Variants in PPFIA3 observed in about 807,000 individuals in gnomAD.
PPFIA3 encodes PPFI scaffold protein A3, also known as liprin-alpha-3.
In PPFIA3, 26 loss-of-function variants were observed where a neutral mutation model predicts 145.8. The ratio of observed to expected loss-of-function variants is 0.18; its 90% CI spans 0.13 to 0.25. The LOEUF is 0.25. Among genes scored for constraint, PPFIA3 ranks in the 10% least tolerant of loss-of-function variants. The pLI, the probability that PPFIA3 is intolerant of heterozygous loss-of-function variation, is 1.00. For synonymous variants in PPFIA3, 645 were observed against 661.4 expected (o/e 0.98, Z 0.38); for missense variants, 1,008 against 1,587.8 (o/e 0.63, Z 6.21).
chr19:49,137,631 A>C (rs1485940953), intron 15 of PPFIA3, among the ~76,000 whole-genome samples: 565 of 38,416 alleles, frequency 0.015, 5 homozygotes, highest in African/African-American at 0.093. Flanking sequence ...TCCGTGTCAA[A>C]AAAAAAAAAA....
Position 49,149,308 on chromosome 19 carries a change from G to A in PPFIA3, c.3337G>A (p.Asp1113Asn). 6.2e-7 allele frequency: 1 copy of A among 1,614,144 alleles called. No individual in the cohort carries two copies. Among genetic ancestry groups the A allele is most frequent in the South Asian group, 1.1e-5 (1 of 91,078 alleles). Reference protein sequence around the residue: ...EFSNLISLGTDRRLDEDSAKS... With the variant: ...EFSNLISLGTNRRLDEDSAKS... ...CAGCAACCTTATCTCCTTAGGCACA[G>A]ACAGGCGGCTGGACGAGGTGGGCGC... Residue 1113 changes from aspartate (D) to asparagine (N), a missense_variant, in exon 27 of 30, where the codon GAC becomes AAC. Physicochemically the swap from Asp to Asn is conservative, Grantham distance 23. This residue lies in a region of PPFIA3 where 125 missense variants were observed against 159.3 expected (regional missense o/e 0.78). Coordinates refer to ENST00000334186, the MANE Select transcript of PPFIA3 (RefSeq NM_003660.4). The surrounding 1 kb of genome is among the most constrained non-coding windows in gnomAD (Gnocchi z 5.7).
At chr19:49,127,606 T>A (rs7246712) in intron 1 of PPFIA3, among the ~76,000 whole-genome samples, 92,792 of 148,160 alleles carry the variant, frequency 0.63, 30,094 homozygotes, top group African/African-American at 0.8. Context: ...TAAAAAAAAA[T>A]AATAATAATA....
rs1389668431 is a variant in PPFIA3, at chr19:49,149,322, C to T, written c.3351C>T (p.Asp1117=). The T allele has an allele frequency of 6.2e-7, 1 of 1,613,966 alleles. No individual in the cohort carries two copies. The highest frequency in any genetic ancestry group is 8.5e-7 in the Non-Finnish European group (1 of 1,180,016). Reference sequence around the variant, plus strand: ...CCTTAGGCACAGACAGGCGGCTGGACGAGGTGGGCGCGGCAACAGCTCAGA... The same window carrying T: ...CCTTAGGCACAGACAGGCGGCTGGATGAGGTGGGCGCGGCAACAGCTCAGA... ...LISLGTDRRL[D]EDSAKSFSRS... Residue 1117 remains aspartate (D), a synonymous_variant, in exon 27 of 30, where the codon GAC becomes GAT. Coordinates refer to ENST00000334186, the MANE Select transcript of PPFIA3 (RefSeq NM_003660.4). This position sits in a 1 kb window ranked among gnomAD's most constrained non-coding sequence, Gnocchi z 5.7.
At chr19:49,129,958 G>T (rs570094971) in intron 5 of PPFIA3, 35 bp from the exon 6 acceptor site, 2 of 1,602,794 alleles carry the variant, frequency 1.2e-6, no homozygotes, top group East Asian at 2.2e-5. Context: ...GGTTCAGGGA[G>T]CCCCTGTGCT....
At chr19:49,150,050 A>G in intron 28 of PPFIA3, 30 bp from the exon 29 acceptor site, 1 of 1,595,948 alleles carries the variant, frequency 6.3e-7, no homozygotes, top group Non-Finnish European at 8.5e-7. Flanking sequence ...AGGGTGCTCC[A>G]GGCTGAACCG....
In PPFIA3 at chr19:49,128,438, A is replaced by T. The variant is rs757974799; in HGVS notation, c.312A>T (p.Ala104=). ...TGCTGGAGAGGGAGGAAGAGATTGC[A>T]GAGCTGAAGGCGGAACGGAACAACA... is the stretch of plus-strand genomic sequence containing the variant. ...EQLLEREEEI[A]ELKAERNNTR... is the part of the protein sequence containing the mutation. Residue 104 remains alanine, a synonymous_variant, in exon 3 of 30, where the codon GCA becomes GCT. Transcript: ENST00000334186. This position sits in a 1 kb window ranked among gnomAD's most constrained non-coding sequence, Gnocchi z 4.1. 2.5e-6 allele frequency: 4 copies of T among 1,574,326 alleles called. No homozygotes were observed.
chr19:49,129,930 GT>G, intron 5 of PPFIA3, 62 bp from the exon 6 acceptor site: 1 of 1,565,512 alleles, frequency 6.4e-7, no homozygotes, highest in Non-Finnish European at 8.8e-7. Flanking sequence ...GCCAATGCCA[GT>G]GAGAACTAGA....
chr19:49,120,622 C>CTTAG lies in PPFIA3; in HGVS notation c.-16+901_-16+904dup, dbSNP rs1274180757. Among the ~76,000 whole-genome samples, 2 of 152,184 alleles carry CTTAG rather than the reference C, an allele frequency of 1.3e-5. No homozygotes were observed. The highest frequency in any genetic ancestry group is 2.1e-4 in the South Asian group (1 of 4,832). Reference sequence around the variant, plus strand: ...CCGCTGTGCCCTGCAGACACACAGACTTAGCCTCCTGGCACCCAGCATCTG... The same window carrying CTTAG: ...CCGCTGTGCCCTGCAGACACACAGACTTAGTTAGCCTCCTGGCACCCAGCATCTG... On this transcript the variant is annotated intron_variant, in intron 1 of 29. Transcript: ENST00000334186. The surrounding 1 kb of genome is among the most constrained non-coding windows in gnomAD (Gnocchi z 4.6).
Position 49,149,834 on chromosome 19 carries a change from T to G in PPFIA3, c.3526+116T>G. On this transcript the variant is annotated intron_variant, in intron 28 of 29. Transcript: ENST00000334186. This position sits in a 1 kb window ranked among gnomAD's most constrained non-coding sequence, Gnocchi z 5.7. Reference sequence around the variant, plus strand: ...TCCTTTCTCGCCCACCCCTGAGGAATGGACTGCTCCAACGTTCCGGACTCC... The same window carrying G: ...TCCTTTCTCGCCCACCCCTGAGGAAGGGACTGCTCCAACGTTCCGGACTCC... 1 of 1,318,784 alleles carries G rather than the reference T, an allele frequency of 7.6e-7. No individual in the cohort carries two copies. Among genetic ancestry groups the G allele is most frequent in the East Asian group, 2.4e-5 (1 of 40,864 alleles). 81.7% of individuals were successfully genotyped at this position (1,318,784 alleles called of 1,614,324 possible). A position where few individuals can be genotyped will look rare whatever the true frequency, so the allele number is the denominator to read the frequency against.
At chr19:49,141,345 C>T (rs2041219035) in intron 18 of PPFIA3, 75 bp from the exon 19 acceptor site, 7 of 1,177,596 alleles carry the variant, frequency 5.9e-6, no homozygotes, top group Non-Finnish European at 8.8e-6. Flanking sequence ...CCGGCATTTT[C>T]CTCATCACCT....
At chr19:49,144,669 G>A (rs564252935) in intron 21 of PPFIA3, among the ~76,000 whole-genome samples, 212 of 151,974 alleles carry the variant, frequency 1.4e-3, no homozygotes, top group Non-Finnish European at 2.2e-3. Flanking sequence ...AGCTGTGATT[G>A]TCCCACTGTA....
intron 15 of PPFIA3, 141 bp downstream of exon 15, chr19:49,137,052 G>A (rs750492774): frequency 5.0e-5 from 38 of 757,730 alleles, no homozygotes; most frequent in Admixed American, 1.6e-4. Context: ...CACTCACTCC[G>A]CTGTCCAGGC....
rs907960189 is a variant in PPFIA3, at chr19:49,133,798, C to T, written c.1164C>T (p.Ala388=). Residue 388 remains alanine, a splice_region_variant and synonymous_variant, in exon 10 of 30, where the codon GCC becomes GCT. Transcript: ENST00000334186. This position sits in a 1 kb window ranked among gnomAD's most constrained non-coding sequence, Gnocchi z 7.2. ...LAQRVAALNK[A]EERHGNFEER... ...ACGCCATGGGTTCCATCTCCTAGGC[C>T]GAGGAACGTCATGGGAATTTTGAGG... 2.5e-6 allele frequency: 4 copies of T among 1,613,166 alleles called. No individual in the cohort carries two copies. The highest frequency in any genetic ancestry group is 3.4e-6 in the Non-Finnish European group (4 of 1,179,932).
intron 19 of PPFIA3, 22 bp downstream of exon 19, chr19:49,141,535 CGTGTGTGTGTGTATGTGAATGTGAGA>C (rs1568439935): frequency 6.3e-7 from 1 of 1,576,088 alleles, no homozygotes; most frequent in Non-Finnish European, 8.7e-7. Flanking sequence ...TGAGTGTGAG[CGTGTGTGTGTGTATGTGAATGTGAGA>C]GTGTGTGAGG....
chr19:49,142,935 C>T lies in PPFIA3; in HGVS notation c.2676C>T (p.Leu892=). The T allele has an allele frequency of 6.2e-7, 1 of 1,613,666 alleles. No homozygotes were observed. Among genetic ancestry groups the T allele is most frequent in the Non-Finnish European group, 8.5e-7 (1 of 1,180,020 alleles). Residue 892 remains leucine (L), a synonymous_variant, in exon 21 of 30, where the codon CTC becomes CTT. Coordinates refer to ENST00000334186, the MANE Select transcript of PPFIA3 (RefSeq NM_003660.4). ...EIGISNPLHR[L]KLRLAIQEMV... is the part of the protein sequence containing the mutation. ...GCATCAGCAACCCGCTGCACCGACTCAAGCTACGCCTCGCCATCCAGGAGA... is the reference window on the plus strand; with the variant it reads ...GCATCAGCAACCCGCTGCACCGACTTAAGCTACGCCTCGCCATCCAGGAGA...
chr19:49,144,502 C>G (rs1457272458), intron 21 of PPFIA3, among the ~76,000 whole-genome samples: 5 of 151,842 alleles, frequency 3.3e-5, no homozygotes, highest in Admixed American at 3.3e-4. Flanking sequence ...TCTCTTGAAC[C>G]CGGGAGTTCG....
intron 1 of PPFIA3, among the ~76,000 whole-genome samples, chr19:49,122,515 T>C (rs2040948059): frequency 6.6e-6 from 1 of 152,188 alleles, no homozygotes; most frequent in Admixed American, 6.6e-5. Context: ...GTGTTCCAGG[T>C]TTCAGCCACG....
intron 1 of PPFIA3, among the ~76,000 whole-genome samples, chr19:49,127,528 C>T (rs2041016642): frequency 6.7e-6 from 1 of 150,296 alleles, no homozygotes; most frequent in Admixed American, 6.6e-5. Flanking sequence ...GAGTCTGGGT[C>T]GTTCAGGCTG....
chr19:49,127,764 C>T (rs2041020315), intron 1 of PPFIA3, 95 bp from the exon 2 acceptor site: 1 of 1,453,194 alleles, frequency 6.9e-7, no homozygotes, highest in Non-Finnish European at 9.2e-7. Flanking sequence ...TTGCCCCCAA[C>T]TATTTCCCCT....
Sources: gnomAD v4.1 joint callset for allele counts (sites outside exome capture counted in the v4.1 genomes callset) on GRCh38, gnomAD v4.1.1 for gene constraint, gnomAD v4.1.1 regional missense constraint, Gnocchi (gnomAD v3.1) non-coding constraint, MANE v1.5 for transcripts, NCBI Gene and HGNC (gene_info 2026-07-23, HGNC 2026-07-21) for gene names.